The following MEMO1 variants were observed in gnomAD, a reference collection of about 807,000 sequenced individuals.
MEMO1 encodes the protein protein MEMO1.
Under a neutral mutation model 45.2 loss-of-function variants are expected in MEMO1, and 6 were observed. That is an observed-to-expected ratio of 0.13 (90% confidence interval 0.07 to 0.26). The LOEUF is 0.26. Among genes scored for constraint, MEMO1 ranks in the 10% least tolerant of loss-of-function variants. The pLI is 1.00. For synonymous variants in MEMO1, 78 were observed against 124.3 expected (o/e 0.63, Z 2.48); for missense variants, 184 against 370.5 (o/e 0.50, Z 4.13).
rs551473529 is a variant in MEMO1, at chr2:31,979,200, G to A, written c.61+30987C>T. On this transcript the variant is annotated intron_variant, in intron 2 of 9. Transcript: ENST00000404530. ...GATCTCGTGAGAAATCCCTCACTAC[G>A]ATGAGAACAGCAGAGAGGAAACCAG... Among the ~76,000 whole-genome samples, 179 of 152,192 alleles carry A rather than the reference G, an allele frequency of 1.2e-3. 1 individual carries two copies. The Middle Eastern group carries it at 0.02, about 17-fold the overall frequency.
At chr2:31,998,479 G>C (rs1337324646) in intron 2 of MEMO1, among the ~76,000 whole-genome samples, 2 of 151,994 alleles carry the variant, frequency 1.3e-5, no homozygotes, top group Non-Finnish European at 2.9e-5. Context: ...TCATTCCCAT[G>C]GTAATTTCAT....
At chr2:31,893,235 C>G (rs1013496520) in intron 6 of MEMO1, 1 of 768,144 alleles carries the variant, frequency 1.3e-6, no homozygotes, top group African/African-American at 1.9e-5. Context: ...CCATAAGGCC[C>G]CCTTACCCTG....
intron 2 of MEMO1, among the ~76,000 whole-genome samples, chr2:31,958,322 C>T (rs908066960): frequency 1.1e-3 from 165 of 151,660 alleles, no homozygotes; most frequent in African/African-American, 3.8e-3. Flanking sequence ...AGTTCATTCC[C>T]TTTGGAATGA....
chr2:32,005,234 T>C (rs1449866199), intron 2 of MEMO1, among the ~76,000 whole-genome samples: 3 of 148,012 alleles, frequency 2.0e-5, no homozygotes, highest in African/African-American at 7.5e-5. Flanking sequence ...GGAGGAAGAC[T>C]GCTTGAGCCC....
At chr2:31,974,420 T>G (rs940044960) in intron 2 of MEMO1, among the ~76,000 whole-genome samples, 9 of 152,186 alleles carry the variant, frequency 5.9e-5, no homozygotes, top group Non-Finnish European at 8.8e-5. Flanking sequence ...TATATACTTT[T>G]CCAATGACTC....
At chr2:32,002,308 T>TAC (rs1673494230) in intron 2 of MEMO1, among the ~76,000 whole-genome samples, 1 of 148,462 alleles carries the variant, frequency 6.7e-6, no homozygotes, top group African/African-American at 2.5e-5. Context: ...CATATACATA[T>TAC]ATACATACAC....
chr2:31,974,597 T>C (rs1346327793), intron 2 of MEMO1, among the ~76,000 whole-genome samples: 1 of 151,924 alleles, frequency 6.6e-6, no homozygotes, highest in Non-Finnish European at 1.5e-5. Context: ...ACACAAAAAT[T>C]AGCCGGGCAT....
intron 2 of MEMO1, among the ~76,000 whole-genome samples, chr2:31,994,931 G>A (rs1335771804): frequency 1.3e-5 from 2 of 151,598 alleles, no homozygotes; most frequent in Non-Finnish European, 2.9e-5. Flanking sequence ...CTTGCGGTGG[G>A]GGTGGAGGTA....
chr2:31,927,667 C>T (rs1000571429), intron 4 of MEMO1, among the ~76,000 whole-genome samples: 2 of 150,088 alleles, frequency 1.3e-5, no homozygotes, highest in Admixed American at 6.6e-5. Flanking sequence ...TAAAGCAATG[C>T]CACTTTTCCC....
intron 2 of MEMO1, among the ~76,000 whole-genome samples, chr2:31,970,982 T>C (rs1261804036): frequency 6.6e-6 from 1 of 152,130 alleles, no homozygotes; most frequent in Non-Finnish European, 1.5e-5. Context: ...CCAGCCTGGG[T>C]GACAGAGCGA....
chr2:31,972,287 G>A (rs1669502988), intron 2 of MEMO1, among the ~76,000 whole-genome samples: 1 of 152,052 alleles, frequency 6.6e-6, no homozygotes, highest in South Asian at 2.1e-4. Flanking sequence ...TCTGAAGCAA[G>A]TGAAACAAAG....
chr2:31,977,806 G>A (rs1670180858), intron 2 of MEMO1, among the ~76,000 whole-genome samples: 4 of 152,238 alleles, frequency 2.6e-5, no homozygotes, highest in South Asian at 4.1e-4. Context: ...TTACAGGCAT[G>A]AGCCACCATG....
chr2:31,928,881 C>CAATG (rs1683523341), intron 4 of MEMO1, among the ~76,000 whole-genome samples: 1 of 152,076 alleles, frequency 6.6e-6, no homozygotes, highest in South Asian at 2.1e-4. Flanking sequence ...CTTTAAAAAA[C>CAATG]AATGCTGCTG....
intron 2 of MEMO1, among the ~76,000 whole-genome samples, chr2:31,992,389 TAC>T (rs1558561336): frequency 6.6e-6 from 1 of 152,234 alleles, no homozygotes; most frequent in Non-Finnish European, 1.5e-5. Flanking sequence ...TCTGATCCTT[TAC>T]AGAGATAAGA....
chr2:31,999,680 C>T (rs1275945566), intron 2 of MEMO1, among the ~76,000 whole-genome samples: 1 of 152,038 alleles, frequency 6.6e-6, no homozygotes, highest in Non-Finnish European at 1.5e-5. Context: ...AAAAAGTCTC[C>T]AGCCACCTCT....
chr2:31,969,392 T>TACACGTGTATATACATATATAC (rs200286917), intron 2 of MEMO1, among the ~76,000 whole-genome samples: 1 of 149,082 alleles, frequency 6.7e-6, no homozygotes, highest in Non-Finnish European at 1.5e-5. Flanking sequence ...TGTATATATA[T>TACACGTGTATATACATATATAC]ACGTGTATAT....
intron 5 of MEMO1, among the ~76,000 whole-genome samples, chr2:31,919,986 G>A (rs1682048199): frequency 6.6e-6 from 1 of 151,676 alleles, no homozygotes; most frequent in African/African-American, 2.4e-5. Flanking sequence ...GTACATGCGT[G>A]TGTGTGAATA....
At chr2:31,978,650 C>T (rs1572875871) in intron 2 of MEMO1, among the ~76,000 whole-genome samples, 1 of 152,270 alleles carries the variant, frequency 6.6e-6, no homozygotes, top group African/African-American at 2.4e-5. Context: ...CCATACCCGG[C>T]CTCAAGTGAT....
Position 31,968,417 on chromosome 2 carries a change from T to C in MEMO1, c.62-25034A>G, listed in dbSNP as rs570453858. Among the ~76,000 whole-genome samples, 11 of 152,340 alleles carry C rather than the reference T, an allele frequency of 7.2e-5. No individual in the cohort carries two copies. The South Asian group carries it at 1.9e-3, about 26-fold the overall frequency. The stretch of plus-strand genomic sequence containing the variant: ...GTAGAACTATGTTCAGGAGCTGTCA[T>C]GCTGATAACCCGACCCAGAATTCCC... On this transcript the variant is annotated intron_variant, in intron 2 of 9. Coordinates refer to ENST00000404530, the MANE Select transcript of MEMO1 (RefSeq NM_001301833.4).
Sources: allele counts gnomAD v4.1 joint callset (sites outside exome capture counted in the v4.1 genomes callset), GRCh38; gene constraint gnomAD v4.1.1; transcripts MANE v1.5; gene names NCBI Gene and HGNC (gene_info 2026-07-23, HGNC 2026-07-21).